Variants in TRAF3IP1 observed in about 807,000 individuals in gnomAD.
The protein encoded by TRAF3IP1 is TRAF3-interacting protein 1.
TRAF3IP1 carries 53 observed loss-of-function variants against 89.9 expected under a neutral mutation model. The observed-to-expected ratio is 0.59, with a 90% CI of 0.47 to 0.74. The LOEUF (loss-of-function observed/expected upper bound fraction) is 0.74. TRAF3IP1 is among the 30% of genes least tolerant of loss of function. The pLI is 0.00. For missense variants in TRAF3IP1, 806 were observed against 866.1 expected, an observed-to-expected ratio of 0.93 and a Z score of 0.87; for synonymous variants, 311 against 322.1, an observed-to-expected ratio of 0.97 and a Z score of 0.37.
At chr2:238,368,230 A>C (rs1699967953) in intron 15 of TRAF3IP1, among the ~76,000 whole-genome samples, 1 of 152,210 alleles carries the variant, frequency 6.6e-6, no homozygotes, top group South Asian at 2.1e-4. Flanking sequence ...AAGCAGGCTC[A>C]GGAGGGCTGA....
At chr2:238,328,645 A>C (rs376077282) in intron 3 of TRAF3IP1, 41 bp from the exon 4 acceptor site, 1 of 1,596,620 alleles carries the variant, frequency 6.3e-7, no homozygotes, top group Non-Finnish European at 8.5e-7. Flanking sequence ...TGCGGATCTC[A>C]TTTCACCTAA....
In TRAF3IP1 at chr2:238,400,660, A is replaced by T. The variant is rs1241499252; in HGVS notation, c.*1741A>T. On this transcript the variant is annotated 3_prime_UTR_variant, in exon 17 of 17. Transcript: ENST00000373327. ...TTAAGTAGCCCTTCATGTATTTATA[A>T]TCTCTTTTCTACTGAATCAAATGAC... 1 of 152,106 alleles carries T rather than the reference A, an allele frequency of 6.6e-6. No homozygotes were observed. The highest frequency in any genetic ancestry group is 2.4e-5 in the African/African-American group (1 of 41,410). 9.4% of individuals were successfully genotyped at this position (152,106 alleles called of 1,614,324 possible). A position where few individuals can be genotyped will look rare whatever the true frequency, so the allele number is the denominator to read the frequency against.
At chr2:238,328,538 A>T in intron 3 of TRAF3IP1, 148 bp from the exon 4 acceptor site, 1 of 1,009,080 alleles carries the variant, frequency 9.9e-7, no homozygotes, top group East Asian at 2.6e-5. Flanking sequence ...TGTGATAATA[A>T]CATGTTCAAA....
At position 238,351,058 on chromosome 2, in the gene TRAF3IP1, C is replaced by T. The variant is rs368627505; in HGVS notation, c.1451+1650C>T. The stretch of plus-strand genomic sequence containing the variant: ...GGATTGTTGGAGTCAGGTCCTAGGG[C>T]GGTGAGCTGGGAATATAGATAGTGG... On this transcript the variant is annotated intron_variant, in intron 12 of 16. Transcript: ENST00000373327. The surrounding 1 kb of genome is among the most constrained non-coding windows in gnomAD (Gnocchi z 5.2). Among the ~76,000 whole-genome samples the T allele has an allele frequency of 3.3e-5, 5 of 151,900 alleles. No individual in the cohort carries two copies. The highest frequency in any genetic ancestry group is 1.2e-4 in the African/African-American group (5 of 41,332).
chr2:238,343,497 T>C (rs1282301613), intron 8 of TRAF3IP1, among the ~76,000 whole-genome samples: 1 of 152,104 alleles, frequency 6.6e-6, no homozygotes, highest in Non-Finnish European at 1.5e-5. Flanking sequence ...TTCTCTTGCC[T>C]CAGCCTCCTG....
At chr2:238,323,081 ATT>A (rs35469985) in intron 1 of TRAF3IP1, among the ~76,000 whole-genome samples, 2 of 147,592 alleles carry the variant, frequency 1.4e-5, no homozygotes, top group Admixed American at 6.7e-5. Flanking sequence ...ATTGTTCACA[ATT>A]TTTTTTTTTT....
chr2:238,359,551 A>G (rs1699572079), intron 15 of TRAF3IP1, among the ~76,000 whole-genome samples: 1 of 151,974 alleles, frequency 6.6e-6, no homozygotes, highest in Admixed American at 6.6e-5. Flanking sequence ...GCGTGTATCT[A>G]TAGTTTATTT....
rs939121284 is a variant in TRAF3IP1, at chr2:238,351,123, T to A, written c.1452-1704T>A. Among the ~76,000 whole-genome samples, 5 of 151,980 alleles carry A rather than the reference T, an allele frequency of 3.3e-5. No homozygotes were observed. Among genetic ancestry groups the A allele is most frequent in the Admixed American group, 6.6e-5 (1 of 15,266 alleles). ...GGCGCTTGGATTTGAGGTTGGAGCT[T>A]GCTGTTAGTGGTAGTGACAGGGGTG... On this transcript the variant is annotated intron_variant, in intron 12 of 16. Transcript: ENST00000373327. This position sits in a 1 kb window ranked among gnomAD's most constrained non-coding sequence, Gnocchi z 5.2.
At chr2:238,348,944 T>G (rs1245512807) in intron 11 of TRAF3IP1, 96 bp downstream of exon 11, 22 of 1,062,302 alleles carry the variant, frequency 2.1e-5, no homozygotes, top group Admixed American at 4.0e-5. Context: ...ATTTAGTGCT[T>G]GAGCTAACTT....
chr2:238,388,045 C>T (rs892779966), intron 15 of TRAF3IP1, among the ~76,000 whole-genome samples: 5 of 152,126 alleles, frequency 3.3e-5, no homozygotes, highest in African/African-American at 1.2e-4. Flanking sequence ...GATTGCACCA[C>T]TGCATTCCAG....
In TRAF3IP1 at chr2:238,352,386, C is replaced by T. The variant is rs1375980751; in HGVS notation, c.1452-441C>T. On this transcript the variant is annotated intron_variant, in intron 12 of 16. Coordinates refer to ENST00000373327, the MANE Select transcript of TRAF3IP1 (RefSeq NM_015650.4). ...GGGGTCAGCCCTGGTCAGTGGGACC[C>T]CAATGTGGCCCCTGCCCTGAGGTTT... Among the ~76,000 whole-genome samples the T allele has an allele frequency of 2.0e-5, 3 of 152,142 alleles. No homozygotes were observed. In the East Asian group the frequency reaches 5.8e-4, roughly 29 times the overall value.
Position 238,400,337 on chromosome 2 carries a change from G to T in TRAF3IP1, c.*1418G>T, listed in dbSNP as rs1321881675. 6.6e-6 allele frequency: 1 copy of T among 152,172 alleles called. No individual in the cohort carries two copies. Among genetic ancestry groups the T allele is most frequent in the Admixed American group, 6.6e-5 (1 of 15,266 alleles). The allele number at this position is 152,172 out of a possible 1,614,324, so 9.4% of individuals were successfully genotyped here. The stretch of plus-strand genomic sequence containing the variant: ...TCTCCACCTCCTGACCTCGTGATCC[G>T]CCTGCCTCGGCCTCCCAAAGTGCTG... On this transcript the variant is annotated 3_prime_UTR_variant, in exon 17 of 17. Transcript: ENST00000373327.
intron 15 of TRAF3IP1, among the ~76,000 whole-genome samples, chr2:238,384,091 C>T (rs1223624572): frequency 1.3e-5 from 2 of 152,102 alleles, no homozygotes; most frequent in African/African-American, 4.8e-5. Flanking sequence ...GATGCATCCT[C>T]CTTGGCTCAG....
Position 238,399,008 on chromosome 2 carries a change from G to T in TRAF3IP1, c.*89G>T, listed in dbSNP as rs1353606645. On this transcript the variant is annotated 3_prime_UTR_variant, in exon 17 of 17. Coordinates refer to ENST00000373327, the MANE Select transcript of TRAF3IP1 (RefSeq NM_015650.4). ...TCATTACTCTTTTAAGTTCCAGTTT[G>T]CTAAGAAAATGAACAGTTTACAATG... 3 of 1,240,706 alleles carry T rather than the reference G, an allele frequency of 2.4e-6. No individual in the cohort carries two copies. The highest frequency in any genetic ancestry group is 5.1e-5 in the Admixed American group (2 of 38,982). 76.9% of individuals were successfully genotyped at this position (1,240,706 alleles called of 1,614,324 possible). A position where few individuals can be genotyped will look rare whatever the true frequency, so the allele number is the denominator to read the frequency against.
Position 238,397,547 on chromosome 2 carries a change from T to C in TRAF3IP1, c.1778T>C (p.Leu593Pro), listed in dbSNP as rs1229693908. 5 of 1,613,078 alleles carry C rather than the reference T, an allele frequency of 3.1e-6. No individual in the cohort carries two copies. In the Admixed American group the frequency reaches 5.0e-5, roughly 16 times the overall value. Residue 593 changes from leucine (L) to proline (P), a missense_variant, in exon 16 of 17, where the codon CTG becomes CCG. Leu to Pro is a moderately conservative substitution (Grantham distance 98). Around this residue, in one of 3 missense-constraint regions of TRAF3IP1, gnomAD observed 732 missense variants for 780.5 expected, o/e 0.94. Transcript: ENST00000373327. ...IEKLRTSIQT[L>P]CKSALPLGKI... ...AAGCTCCGCACGTCCATCCAGACCC[T>C]GTGCAAGAGCGCACTTCCCCTGGGG...
intron 15 of TRAF3IP1, among the ~76,000 whole-genome samples, chr2:238,360,491 CTG>C (rs1699611165): frequency 6.6e-6 from 1 of 152,166 alleles, no homozygotes; most frequent in Non-Finnish European, 1.5e-5. Flanking sequence ...GATTGCCAAA[CTG>C]TGTTGCAAAG....
chr2:238,369,031 TGTTA>T (rs1700000311), intron 15 of TRAF3IP1, among the ~76,000 whole-genome samples: 2 of 152,240 alleles, frequency 1.3e-5, no homozygotes, highest in African/African-American at 2.4e-5. Context: ...TGATGCACCA[TGTTA>T]GTTTTTAAAA....
intron 15 of TRAF3IP1, among the ~76,000 whole-genome samples, chr2:238,378,895 C>T (rs1226702855): frequency 6.6e-6 from 1 of 152,176 alleles, no homozygotes; most frequent in African/African-American, 2.4e-5. Context: ...TCAGTCTTTG[C>T]TGACCAGTAC....
At chr2:238,371,879 G>A (rs1475724489) in intron 15 of TRAF3IP1, among the ~76,000 whole-genome samples, 5 of 151,852 alleles carry the variant, frequency 3.3e-5, no homozygotes, top group Non-Finnish European at 7.4e-5. Flanking sequence ...ATTAAATTAC[G>A]TATATGGCTT....
Sources: gnomAD v4.1 joint callset for allele counts (sites outside exome capture counted in the v4.1 genomes callset) on GRCh38, gnomAD v4.1.1 for gene constraint, gnomAD v4.1.1 regional missense constraint, Gnocchi (gnomAD v3.1) non-coding constraint, MANE v1.5 for transcripts, NCBI Gene and HGNC (gene_info 2026-07-23, HGNC 2026-07-21) for gene names.